Variants in PARVG observed in about 807,000 individuals in gnomAD.
PARVG encodes the protein gamma-parvin.
In PARVG, 36 loss-of-function variants were observed where a neutral mutation model predicts 44.4. The observed-to-expected ratio is 0.81, with a 90% CI of 0.62 to 1.07. PARVG has a LOEUF of 1.07. PARVG is among the 50% of genes least tolerant of loss of function. The probability of loss-of-function intolerance (pLI) is 0.00; values close to 1 mark genes in which losing one functional copy is unlikely to be tolerated. For synonymous variants in PARVG, 170 were observed against 174.1 expected (o/e 0.98, Z 0.19); for missense variants, 407 against 407.4 (o/e 1.00, Z 0.01).
intron 7 of PARVG, 142 bp downstream of exon 7, chr22:44,190,808 C>T: frequency 1.4e-6 from 1 of 716,148 alleles, no homozygotes; most frequent in Non-Finnish European, 2.4e-6. Context: ...AGAATCCAGC[C>T]AGGATGGCCA....
At chr22:44,175,053 C>T (rs1299248452) in intron 1 of PARVG, among the ~76,000 whole-genome samples, 2 of 152,230 alleles carry the variant, frequency 1.3e-5, no homozygotes, top group Admixed American at 1.3e-4. Flanking sequence ...ACCCAGGAGG[C>T]GGAGGTTTCA....
At chr22:44,184,726 G>A (rs2054438225) in intron 3 of PARVG, 1 of 152,170 alleles carries the variant, frequency 6.6e-6, no homozygotes, top group South Asian at 2.1e-4. Flanking sequence ...ACCCCAGAAG[G>A]GACAAGCTTG....
Position 44,182,082 on chromosome 22 carries a change from C to G in PARVG, c.-13+165C>G, listed in dbSNP as rs2054389732. Among the ~76,000 whole-genome samples, 1 of 152,178 alleles carries G rather than the reference C, an allele frequency of 6.6e-6. No individual in the cohort carries two copies. On this transcript the variant is annotated intron_variant, in intron 2 of 13. Coordinates refer to ENST00000444313, the MANE Select transcript of PARVG (RefSeq NM_022141.7). This position sits in a 1 kb window ranked among gnomAD's most constrained non-coding sequence, Gnocchi z 4.6. ...GAGTCCCCACGGCCCCTCCGGCTGC[C>G]CCTGCTCAGAGGCTGCTCGGCGTCC...
intron 12 of PARVG, among the ~76,000 whole-genome samples, chr22:44,199,631 G>A (rs778933888): frequency 6.6e-6 from 1 of 152,214 alleles, no homozygotes; most frequent in Non-Finnish European, 1.5e-5. Flanking sequence ...CAGATGCCTG[G>A]GTCAGAGGAG....
rs548759286 is a variant in PARVG at position 44,201,763 on chromosome 22, A to G, written c.813+3041A>G. ...GCTAGAGGCTCAGCTAGGCTTTGTCACTCCTCCGAGGACTGGATAGGGATC... is the reference window on the plus strand; with the variant it reads ...GCTAGAGGCTCAGCTAGGCTTTGTCGCTCCTCCGAGGACTGGATAGGGATC... On this transcript the variant is annotated intron_variant, in intron 12 of 13. Transcript: ENST00000444313. 6.6e-5 allele frequency among the ~76,000 whole-genome samples: 10 copies of G among 151,834 alleles called. No individual in the cohort carries two copies. In the East Asian group the frequency reaches 2.0e-3, roughly 30 times the overall value.
At position 44,206,349 on chromosome 22, in the gene PARVG, A is replaced by T. The variant is rs139186; in HGVS notation, c.919A>T (p.Arg307Trp). 34 of 1,613,628 alleles carry T rather than the reference A, an allele frequency of 2.1e-5. No homozygotes were observed. The highest frequency in any genetic ancestry group is 2.5e-5 in the Non-Finnish European group (29 of 1,179,922). ...GAACAAGGATGCCAAGAGCACACTG[A>T]GGGTGCTCTATGGTCTGTTCTGCAA... ...IVNKDAKSTL[R>W]VLYGLFCKHT... is the part of the protein sequence containing the mutation. The change falls in exon 14 of 14, where the codon AGG becomes TGG. Residue 307 changes from arginine (R) to tryptophan (W), a missense_variant. By Grantham distance (101) the Arg-to-Trp change is moderately radical. Coordinates refer to ENST00000444313, the MANE Select transcript of PARVG (RefSeq NM_022141.7).
At chr22:44,196,325 G>C in intron 10 of PARVG, 22 bp from the exon 11 acceptor site, 1 of 1,614,222 alleles carries the variant, frequency 6.2e-7, no homozygotes. Context: ...TGTGTGCTAG[G>C]CCCTTGTTCT....
intron 11 of PARVG, 139 bp from the exon 12 acceptor site, chr22:44,198,482 T>C (rs1246147737): frequency 2.9e-6 from 2 of 696,392 alleles, no homozygotes; most frequent in East Asian, 2.5e-5. Context: ...AGGTCAGGCA[T>C]GTCTTCCCCA....
chr22:44,177,604 T>C (rs2054330633), upstream of PARVG, among the ~76,000 whole-genome samples: 3 of 152,224 alleles, frequency 2.0e-5, no homozygotes, highest in African/African-American at 7.2e-5. Context: ...TGGATTGATC[T>C]AGTATTTTCC....
intron 5 of PARVG, chr22:44,188,876 C>T (rs1247077622): frequency 3.6e-6 from 2 of 562,060 alleles, no homozygotes; most frequent in African/African-American, 3.8e-5. Flanking sequence ...GAGGCTTGCT[C>T]ACATCATGTG....
rs1051727132 is a variant in PARVG at position 44,196,252 on chromosome 22, C to A, written c.642+39C>A. 8.7e-6 allele frequency: 14 copies of A among 1,613,850 alleles called. No homozygotes were observed. The African/African-American group carries it at 9.3e-5, about 11-fold the overall frequency. Reference sequence around the variant, plus strand: ...AAGCTCTCAGCGGCTCTCAGGCTGCCCACCCCACCCACTGCCCACCTGCGC... The same window carrying A: ...AAGCTCTCAGCGGCTCTCAGGCTGCACACCCCACCCACTGCCCACCTGCGC... On this transcript the variant is annotated intron_variant, in intron 10 of 13. Coordinates refer to ENST00000444313, the MANE Select transcript of PARVG (RefSeq NM_022141.7).
chr22:44,201,234 G>T (rs1242569250), intron 12 of PARVG, among the ~76,000 whole-genome samples: 2 of 152,106 alleles, frequency 1.3e-5, no homozygotes, highest in African/African-American at 4.8e-5. Flanking sequence ...CTCCCTTGGG[G>T]TTAGCTCCCT....
chr22:44,206,736 GTC>G lies in PARVG; in HGVS notation c.*315_*316del. On this transcript the variant is annotated 3_prime_UTR_variant, in exon 14 of 14. Transcript: ENST00000444313. ...CATGGGGTGAGTGTGTGTCACATCA[GTC>G]TCTCATCTCTGGGCCCAGGCTAGTG... 2 of 352,252 alleles carry G rather than the reference GTC, an allele frequency of 5.7e-6. No homozygotes were observed. The highest frequency in any genetic ancestry group is 2.8e-5 in the South Asian group (1 of 35,718). The allele number at this position is 352,252 out of a possible 1,614,324, so 21.8% of individuals were successfully genotyped here. A position where few individuals can be genotyped will look rare whatever the true frequency, so the allele number is the denominator to read the frequency against.
In PARVG at chr22:44,181,683, C is replaced by T. The variant is rs1006457529; in HGVS notation, c.-188-59C>T. Reference sequence around the variant, plus strand: ...GCGCTGGGGCTCCGGGCAGAGCTTTCTGGAGGTTTGTGGCAGCTTCACTTT... The same window carrying T: ...GCGCTGGGGCTCCGGGCAGAGCTTTTTGGAGGTTTGTGGCAGCTTCACTTT... On this transcript the variant is annotated intron_variant, in intron 1 of 13. Transcript: ENST00000444313. 5.1e-6 allele frequency: 5 copies of T among 983,098 alleles called. No homozygotes were observed. In the East Asian group the frequency reaches 3.4e-4, roughly 67 times the overall value. The allele number at this position is 983,098 out of a possible 1,614,324, so 60.9% of individuals were successfully genotyped here. A position where few individuals can be genotyped will look rare whatever the true frequency, so the allele number is the denominator to read the frequency against.
chr22:44,197,374 C>G (rs772177254), intron 11 of PARVG, among the ~76,000 whole-genome samples: 1 of 152,126 alleles, frequency 6.6e-6, no homozygotes, highest in Non-Finnish European at 1.5e-5. Flanking sequence ...ACTGTACTAC[C>G]CCACTTACAG....
upstream of PARVG, among the ~76,000 whole-genome samples, chr22:44,179,659 C>T (rs1016034967): frequency 2.0e-5 from 3 of 152,124 alleles, no homozygotes; most frequent in Non-Finnish European, 2.9e-5. The surrounding 1 kb of genome is among the most constrained non-coding windows in gnomAD (Gnocchi z 4.2). Context: ...ACTAGGTCCC[C>T]ACTGCCTTTA....
At position 44,202,317 on chromosome 22, in the gene PARVG, G is replaced by A. The variant is rs145401522; in HGVS notation, c.814-3440G>A. On this transcript the variant is annotated intron_variant, in intron 12 of 13. Coordinates refer to ENST00000444313, the MANE Select transcript of PARVG (RefSeq NM_022141.7). ...GAAGGCAAGGCACTGAAATGTGAGC[G>A]GTGAGGAGAGAAGGCGGAGGAAGGG... Among the ~76,000 whole-genome samples, 97 of 152,332 alleles carry A rather than the reference G, an allele frequency of 6.4e-4. No homozygotes were observed. In the East Asian group the frequency reaches 0.017, roughly 26 times the overall value.
upstream of PARVG, among the ~76,000 whole-genome samples, chr22:44,179,034 C>T (rs778806361): frequency 3.8e-4 from 57 of 151,772 alleles, no homozygotes; most frequent in African/African-American, 1.2e-3. The surrounding 1 kb of genome is among the most constrained non-coding windows in gnomAD (Gnocchi z 4.2). Context: ...TAAAAATACA[C>T]GTAACATAAA....
chr22:44,198,825 G>T, intron 12 of PARVG, 103 bp downstream of exon 12: 1 of 894,416 alleles, frequency 1.1e-6, no homozygotes, highest in Non-Finnish European at 1.8e-6. Flanking sequence ...GAAGTGAAGG[G>T]TGTAGGGGAA....
Sources: allele counts gnomAD v4.1 joint callset (sites outside exome capture counted in the v4.1 genomes callset), GRCh38; gene constraint gnomAD v4.1.1; non-coding constraint Gnocchi (gnomAD v3.1); transcripts MANE v1.5; gene names NCBI Gene and HGNC (gene_info 2026-07-23, HGNC 2026-07-21).